The following GPR158 variants were observed in gnomAD, a reference collection of about 807,000 sequenced individuals.
The protein encoded by GPR158 is metabotropic glycine receptor.
GPR158 carries 30 observed loss-of-function variants against 78.2 expected under a neutral mutation model. The ratio of observed to expected loss-of-function variants is 0.38; its 90% CI spans 0.29 to 0.52. The LOEUF (loss-of-function observed/expected upper bound fraction) is 0.52, where lower values mean the gene tolerates loss of function less well. Among genes scored for constraint, GPR158 ranks in the 20% least tolerant of loss-of-function variants. The pLI, the probability that GPR158 is intolerant of heterozygous loss-of-function variation, is 0.83. For missense variants in GPR158, 1,463 were observed against 1,523.5 expected, an observed-to-expected ratio of 0.96 and a Z score of 0.66; for synonymous variants, 581 against 591.1, an observed-to-expected ratio of 0.98 and a Z score of 0.25.
At chr10:25,489,131 A>G (rs912617027) in intron 5 of GPR158, among the ~76,000 whole-genome samples, 5 of 152,172 alleles carry the variant, frequency 3.3e-5, no homozygotes, top group African/African-American at 1.2e-4. Flanking sequence ...AAAATAATGA[A>G]ATAAAACATT....
At chr10:25,412,797 A>T (rs1484465286) in intron 4 of GPR158, among the ~76,000 whole-genome samples, 2 of 152,110 alleles carry the variant, frequency 1.3e-5, no homozygotes, top group African/African-American at 2.4e-5. Flanking sequence ...TGTATTATTA[A>T]TTTTTTTGTA....
chr10:25,251,199 A>G (rs1310515190), intron 2 of GPR158, among the ~76,000 whole-genome samples: 1 of 152,116 alleles, frequency 6.6e-6, no homozygotes, highest in Non-Finnish European at 1.5e-5. Context: ...TTTTGAGCCT[A>G]TGTGTGTCTC....
intron 2 of GPR158, among the ~76,000 whole-genome samples, chr10:25,255,726 A>G (rs941511417): frequency 6.6e-6 from 1 of 152,206 alleles, no homozygotes; most frequent in Non-Finnish European, 1.5e-5. Context: ...AATTTTTTTC[A>G]TTTCAAATAT....
chr10:25,373,537 T>A (rs1389657916), intron 2 of GPR158, among the ~76,000 whole-genome samples: 1 of 151,992 alleles, frequency 6.6e-6, no homozygotes, highest in East Asian at 1.9e-4. Context: ...TTTTCAGTCT[T>A]CCTTTGTAGT....
chr10:25,245,258 A>G (rs1379452527), intron 2 of GPR158, among the ~76,000 whole-genome samples: 1 of 152,214 alleles, frequency 6.6e-6, no homozygotes, highest in African/African-American at 2.4e-5. Context: ...CTGTTCTTCT[A>G]TGGAGAAGAG....
intron 2 of GPR158, among the ~76,000 whole-genome samples, chr10:25,304,858 G>A (rs1423437627): frequency 6.6e-6 from 1 of 152,158 alleles, no homozygotes; most frequent in African/African-American, 2.4e-5. Flanking sequence ...GATGATACTG[G>A]TAATACAATC....
chr10:25,589,494 GTTAAC>G (rs1437387745), intron 8 of GPR158, among the ~76,000 whole-genome samples: 9 of 152,294 alleles, frequency 5.9e-5, no homozygotes, highest in South Asian at 2.1e-4. Context: ...AGCAGATACA[GTTAAC>G]TTATCTATAT....
chr10:25,177,804 T>A (rs1469767514), intron 1 of GPR158, among the ~76,000 whole-genome samples: 1 of 152,200 alleles, frequency 6.6e-6, no homozygotes, highest in Non-Finnish European at 1.5e-5. Flanking sequence ...TAAGTGCATG[T>A]GTGTGTGTCT....
intron 4 of GPR158, among the ~76,000 whole-genome samples, chr10:25,438,147 T>C (rs1185533994): frequency 6.6e-6 from 1 of 152,148 alleles, no homozygotes; most frequent in African/African-American, 2.4e-5. Flanking sequence ...CTACCTTGAA[T>C]TTTCTGGCTG....
chr10:25,462,466 ATCT>A (rs1467052546), intron 4 of GPR158, among the ~76,000 whole-genome samples: 4 of 152,186 alleles, frequency 2.6e-5, no homozygotes, highest in African/African-American at 9.7e-5. Context: ...AGACTTTCAC[ATCT>A]TCTTATTTAA....
chr10:25,522,657 G>A (rs1461450817), intron 5 of GPR158, among the ~76,000 whole-genome samples: 2 of 152,176 alleles, frequency 1.3e-5, no homozygotes, highest in Admixed American at 6.5e-5. Context: ...ATACAAGTTT[G>A]AAAACTCACA....
intron 2 of GPR158, among the ~76,000 whole-genome samples, chr10:25,256,298 A>G (rs888601489): frequency 4.6e-5 from 7 of 152,234 alleles, no homozygotes; most frequent in Non-Finnish European, 1.0e-4. Context: ...ATAATTTCCA[A>G]GAACGTGCAA....
intron 4 of GPR158, among the ~76,000 whole-genome samples, chr10:25,419,228 A>G (rs183913939): frequency 7.0e-4 from 107 of 152,258 alleles, no homozygotes; most frequent in African/African-American, 2.5e-3. Context: ...TATGCCTTCT[A>G]TAAGTGGAAT....
chr10:25,324,485 A>G (rs1252941113), intron 2 of GPR158, among the ~76,000 whole-genome samples: 2 of 152,244 alleles, frequency 1.3e-5, no homozygotes, highest in African/African-American at 2.4e-5. Context: ...TTATATGGGC[A>G]TGGTTCATGG....
chr10:25,559,034 C>A (rs1836826061), intron 6 of GPR158, among the ~76,000 whole-genome samples: 3 of 152,268 alleles, frequency 2.0e-5, no homozygotes, highest in Admixed American at 6.5e-5. Flanking sequence ...TCTATTTGTT[C>A]CATCAGTTAT....
intron 5 of GPR158, among the ~76,000 whole-genome samples, chr10:25,538,565 A>C (rs891311208): frequency 1.3e-5 from 2 of 152,142 alleles, no homozygotes; most frequent in African/African-American, 4.8e-5. Flanking sequence ...TGATTATCAC[A>C]CATTATAGCC....
At chr10:25,409,909 C>T (rs766248507) in intron 3 of GPR158, among the ~76,000 whole-genome samples, 1 of 152,128 alleles carries the variant, frequency 6.6e-6, no homozygotes, top group African/African-American at 2.4e-5. Flanking sequence ...ACTATTCTAT[C>T]TTATTACTTA....
At chr10:25,382,179 T>A (rs905331083) in intron 2 of GPR158, among the ~76,000 whole-genome samples, 2 of 152,196 alleles carry the variant, frequency 1.3e-5, no homozygotes, top group Non-Finnish European at 2.9e-5. Flanking sequence ...TTTACGTTTG[T>A]CAAGCCTTTG....
chr10:25,453,271 T>C (rs1835246263), intron 4 of GPR158, among the ~76,000 whole-genome samples: 1 of 152,178 alleles, frequency 6.6e-6, no homozygotes, highest in South Asian at 2.1e-4. Flanking sequence ...ATACGATTAT[T>C]CTATTTTTAA....
Sources: gnomAD v4.1 joint callset for allele counts (sites outside exome capture counted in the v4.1 genomes callset) on GRCh38, gnomAD v4.1.1 for gene constraint, MANE v1.5 for transcripts, NCBI Gene and HGNC (gene_info 2026-07-23, HGNC 2026-07-21) for gene names.